Variants in PLEKHA8 observed in about 807,000 individuals in gnomAD.
PLEKHA8 encodes pleckstrin homology domain containing A8.
A neutral mutation model predicts 68.2 loss-of-function variants in PLEKHA8; 36 were observed. The ratio of observed to expected loss-of-function variants is 0.53; its 90% CI spans 0.40 to 0.70. The LOEUF is 0.70. Among genes scored for constraint, PLEKHA8 ranks in the 30% least tolerant of loss-of-function variants. The probability of loss-of-function intolerance (pLI) is 0.00; values close to 1 mark genes in which losing one functional copy is unlikely to be tolerated. For missense variants in PLEKHA8, 505 were observed against 615.4 expected, an observed-to-expected ratio of 0.82 and a Z score of 1.90; for synonymous variants, 211 against 216.1, an observed-to-expected ratio of 0.98 and a Z score of 0.20.
chr7:30,055,335 A>C lies in PLEKHA8; in HGVS notation c.1032A>C (p.Pro344=), dbSNP rs372051190. The stretch of plus-strand genomic sequence containing the variant: ...TGGCATCATGTTATGCTGTGGTTCC[A>C]GTATTAGGTAAGATTCCTGCAGTTG... The part of the protein sequence containing the change: ...AFLASCYAVV[P]VLDKLGPTVF... Residue 344 remains proline, a synonymous_variant, in exon 9 of 14, where the codon CCA becomes CCC. Transcript: ENST00000449726. 2.5e-6 allele frequency: 4 copies of C among 1,613,756 alleles called. No homozygotes were observed. The African/African-American group carries it at 4.0e-5, about 16-fold the overall frequency.
intron 13 of PLEKHA8, chr7:30,118,225 A>G: frequency 2.5e-6 from 1 of 406,868 alleles, no homozygotes. Flanking sequence ...TGCCTGAGAA[A>G]ACCCTGAAAT....
intron 13 of PLEKHA8, among the ~76,000 whole-genome samples, chr7:30,128,881 T>G (rs113250454): frequency 6.6e-6 from 1 of 151,600 alleles, no homozygotes; most frequent in Non-Finnish European, 1.5e-5. Flanking sequence ...GGAAGGAAGG[T>G]AGGGGAGGGG....
chr7:30,049,374 T>C lies in PLEKHA8; in HGVS notation c.589T>C (p.Ser197Pro). ...ATCACCTCAGCTGGCCATGCTCAAG[T>C]CCAGCAAGGTAAAAGTCCAGCTCAG... ...PGSPQLAMLK[S>P]SKMKHPIIPI... The change falls in exon 5 of 14, where the codon TCC (serine) becomes CCC (proline). Residue 197 changes from serine (S) to proline (P), a missense_variant. Coordinates refer to ENST00000449726, the MANE Select transcript of PLEKHA8 (RefSeq NM_001197026.2). The C allele has an allele frequency of 1.2e-6, 2 of 1,613,694 alleles. No individual in the cohort carries two copies. The highest frequency in any genetic ancestry group is 8.5e-7 in the Non-Finnish European group (1 of 1,179,740).
chr7:30,123,273 T>G (rs1399175885), intron 13 of PLEKHA8, among the ~76,000 whole-genome samples: 1 of 152,248 alleles, frequency 6.6e-6, no homozygotes, highest in Non-Finnish European at 1.5e-5. Context: ...TTACCCAAGG[T>G]CAAGGTCACA....
chr7:30,049,169 G>C (rs1792200001), intron 4 of PLEKHA8, 55 bp from the exon 5 acceptor site: 1 of 1,602,688 alleles, frequency 6.2e-7, no homozygotes, highest in Admixed American at 1.7e-5. Context: ...TTCCACAATT[G>C]GGCTTTTTCT....
At chr7:30,091,773 A>C (rs1463756460), downstream of PLEKHA8, among the ~76,000 whole-genome samples, 1 of 152,224 alleles carries the variant, frequency 6.6e-6, no homozygotes. Context: ...CAGTTCACCG[A>C]AGGAGCTGAA....
downstream of PLEKHA8, among the ~76,000 whole-genome samples, chr7:30,091,137 A>G (rs1345329662): frequency 6.6e-6 from 1 of 152,206 alleles, no homozygotes; most frequent in Non-Finnish European, 1.5e-5. Flanking sequence ...GCAATACAGC[A>G]AGACCCTATC....
At chr7:30,087,884 G>A (rs1236357538), downstream of PLEKHA8, among the ~76,000 whole-genome samples, 1 of 152,248 alleles carries the variant, frequency 6.6e-6, no homozygotes, top group Non-Finnish European at 1.5e-5. Context: ...AGGATGGGAA[G>A]TGTGACTCCA....
chr7:30,058,682 GTCTC>G (rs897870396), intron 9 of PLEKHA8, among the ~76,000 whole-genome samples: 1 of 152,014 alleles, frequency 6.6e-6, no homozygotes, highest in African/African-American at 2.4e-5. Context: ...GATAATGTAA[GTCTC>G]TCAGTTTTTT....
intron 13 of PLEKHA8, among the ~76,000 whole-genome samples, chr7:30,115,538 GTA>G (rs1796410015): frequency 2.7e-5 from 4 of 149,032 alleles, no homozygotes; most frequent in Non-Finnish European, 6.0e-5. Context: ...GTAGACATAT[GTA>G]CACATGCACG....
chr7:30,046,172 T>C (rs534941847), intron 2 of PLEKHA8, 38 bp from the exon 3 acceptor site: 2 of 1,513,404 alleles, frequency 1.3e-6, no homozygotes, highest in South Asian at 1.4e-5. Flanking sequence ...CAGACAGGGC[T>C]CTTCTGAGTC....
rs146485113 is a variant in PLEKHA8, at chr7:30,116,338, A to G, written c.1363-12928A>G. Among the ~76,000 whole-genome samples the G allele has an allele frequency of 3.9e-5, 6 of 151,970 alleles. No individual in the cohort carries two copies. The East Asian group carries it at 1.2e-3, about 29-fold the overall frequency. On this transcript the variant is annotated intron_variant, in intron 13 of 13. Transcript: ENST00000396257. ...TACATACACATATGTGTGTATGTAT[A>G]TATGTACTATATAACTTGATTCATG...
chr7:30,120,337 AG>A (rs1176433586), intron 13 of PLEKHA8, among the ~76,000 whole-genome samples: 2 of 152,196 alleles, frequency 1.3e-5, no homozygotes, highest in Non-Finnish European at 2.9e-5. Context: ...AAAAAGGGAA[AG>A]TAACGTACAA....
At chr7:30,108,876 AAAC>A (rs1216949409) in intron 13 of PLEKHA8, among the ~76,000 whole-genome samples, 3 of 152,328 alleles carry the variant, frequency 2.0e-5, no homozygotes, top group African/African-American at 7.2e-5. Context: ...CAACTCCAGT[AAAC>A]AACAAGCAGT....
At chr7:30,045,251 C>A in intron 2 of PLEKHA8, 50 bp downstream of exon 2, 2 of 1,417,024 alleles carry the variant, frequency 1.4e-6, no homozygotes, top group Non-Finnish European at 2.0e-6. Flanking sequence ...TGTTTTCCCT[C>A]AAAAACAAAA....
rs1193861267 is a variant in PLEKHA8, at chr7:30,080,345, G to C, written c.*1558G>C. The C allele has an allele frequency of 7.1e-6, 7 of 985,172 alleles. No individual in the cohort carries two copies. The highest frequency in any genetic ancestry group is 8.4e-6 in the Non-Finnish European group (7 of 829,926). 61.0% of individuals were successfully genotyped at this position (985,172 alleles called of 1,614,324 possible). The stretch of plus-strand genomic sequence containing the variant: ...GCCATGGGTACCTTCCCCATTAGAG[G>C]CTACTTCCTTCTAGTAACAGGAAGG... On this transcript the variant is annotated 3_prime_UTR_variant, in exon 14 of 14. Coordinates refer to ENST00000449726, the MANE Select transcript of PLEKHA8 (RefSeq NM_001197026.2).
At chr7:30,056,335 T>G (rs1792907012) in intron 9 of PLEKHA8, among the ~76,000 whole-genome samples, 1 of 123,274 alleles carries the variant, frequency 8.1e-6, no homozygotes, top group Non-Finnish European at 1.7e-5. Flanking sequence ...TATATATAAA[T>G]AACATATATA....
intron 13 of PLEKHA8, among the ~76,000 whole-genome samples, chr7:30,077,086 G>A (rs1794654133): frequency 6.6e-6 from 1 of 151,734 alleles, no homozygotes; most frequent in East Asian, 1.9e-4. Context: ...TTTTTTTCTA[G>A]AGTGCTGATG....
chr7:30,055,311 G>C lies in PLEKHA8; in HGVS notation c.1008G>C (p.Leu336Phe). ...EDSGIPTEAFLASCYAVVPVL... is the reference protein window; with the variant it reads ...EDSGIPTEAFFASCYAVVPVL... The stretch of plus-strand genomic sequence containing the variant: ...GTGGCATTCCCACAGAAGCATTCTT[G>C]GCATCATGTTATGCTGTGGTTCCAG... Residue 336 changes from leucine to phenylalanine, a missense_variant, in exon 9 of 14, where the codon TTG (leucine) becomes TTC (phenylalanine). By Grantham distance (22) the Leu-to-Phe change is conservative. Coordinates refer to ENST00000449726, the MANE Select transcript of PLEKHA8 (RefSeq NM_001197026.2). 1.2e-6 allele frequency: 2 copies of C among 1,614,086 alleles called. No homozygotes were observed. The highest frequency in any genetic ancestry group is 1.7e-6 in the Non-Finnish European group (2 of 1,179,976).
Sources: allele counts gnomAD v4.1 joint callset (sites outside exome capture counted in the v4.1 genomes callset), GRCh38; gene constraint gnomAD v4.1.1; transcripts MANE v1.5; gene names NCBI Gene and HGNC (gene_info 2026-07-23, HGNC 2026-07-21).